The following SV2B variants were observed in gnomAD, a reference collection of about 807,000 sequenced individuals.
The protein encoded by SV2B is synaptic vesicle glycoprotein 2B, also known as solute carrier family 22 member B2.
A neutral mutation model predicts 73.9 loss-of-function variants in SV2B; 41 were observed. The observed-to-expected ratio is 0.56, with a 90% CI of 0.43 to 0.72. The LOEUF is 0.72. SV2B is among the 30% of genes least tolerant of loss of function. The pLI is 0.00. For synonymous variants in SV2B, 314 were observed against 314.2 expected (o/e 1.00, Z 0.01); for missense variants, 764 against 857.8 (o/e 0.89, Z 1.37).
At chr15:91,216,125 G>A (rs1401630821) in intron 1 of SV2B, among the ~76,000 whole-genome samples, 6 of 152,132 alleles carry the variant, frequency 3.9e-5, no homozygotes, top group Admixed American at 2.6e-4. Context: ...TGTAAGTGGG[G>A]CGAGTGCAGC....
At chr15:91,135,421 A>G (rs945658360) in intron 1 of SV2B, among the ~76,000 whole-genome samples, 3 of 152,138 alleles carry the variant, frequency 2.0e-5, no homozygotes, top group Non-Finnish European at 4.4e-5. Context: ...ACAGCTACCT[A>G]CATGGTGGTG....
At chr15:91,215,248 TC>T (rs1271612499) in intron 1 of SV2B, among the ~76,000 whole-genome samples, 1 of 152,210 alleles carries the variant, frequency 6.6e-6, no homozygotes, top group Non-Finnish European at 1.5e-5. Flanking sequence ...TGCACTTGAA[TC>T]ACAATGAAAC....
intron 2 of SV2B, among the ~76,000 whole-genome samples, chr15:91,237,771 G>C (rs79070222): frequency 3.4e-4 from 51 of 152,142 alleles, no homozygotes; most frequent in Non-Finnish European, 5.9e-4. Context: ...ATCCCCACAT[G>C]GCTTCCTTCC....
intron 2 of SV2B, among the ~76,000 whole-genome samples, chr15:91,247,064 G>T (rs577894749): frequency 2.0e-5 from 3 of 152,282 alleles, no homozygotes; most frequent in African/African-American, 7.2e-5. Flanking sequence ...CTTCCCTGGT[G>T]ATAGGCTCAT....
At chr15:91,260,798 T>TA (rs1192906847) in intron 6 of SV2B, among the ~76,000 whole-genome samples, 3 of 152,172 alleles carry the variant, frequency 2.0e-5, no homozygotes, top group Non-Finnish European at 4.4e-5. Context: ...AGGCACTTCT[T>TA]ACATGGTGGT....
intron 9 of SV2B, among the ~76,000 whole-genome samples, chr15:91,274,826 G>C (rs555016480): frequency 6.6e-5 from 10 of 152,128 alleles, no homozygotes; most frequent in African/African-American, 2.4e-4. Flanking sequence ...TTGTTGTTAG[G>C]TGTATACATA....
Position 91,266,155 on chromosome 15 carries a change from A to G in SV2B, c.1009-427A>G, listed in dbSNP as rs532239867. 2.0e-4 allele frequency among the ~76,000 whole-genome samples: 31 copies of G among 152,332 alleles called. No individual in the cohort carries two copies. The South Asian group carries it at 4.3e-3, about 21-fold the overall frequency. On this transcript the variant is annotated intron_variant, in intron 6 of 12. Transcript: ENST00000394232. Reference sequence around the variant, plus strand: ...AGACTGTGTCTCAAAAAACAAAACCAAACAAAAACAAACAAATAAAAAAAA... The same window carrying G: ...AGACTGTGTCTCAAAAAACAAAACCGAACAAAAACAAACAAATAAAAAAAA...
rs2046511847 is a variant in SV2B at position 91,229,939 on chromosome 15, G to A, written c.451+3225G>A. On this transcript the variant is annotated intron_variant, in intron 2 of 12. Transcript: ENST00000394232. The surrounding 1 kb of genome is among the most constrained non-coding windows in gnomAD (Gnocchi z 4.3). The stretch of plus-strand genomic sequence containing the variant: ...TTCTGTCTTTCCCCATCCTCTCTCT[G>A]TTTTAAAAAGAAACTCTCTGGTTGG... 6.6e-6 allele frequency among the ~76,000 whole-genome samples: 1 copy of A among 152,154 alleles called. No homozygotes were observed. The highest frequency in any genetic ancestry group is 6.5e-5 in the Admixed American group (1 of 15,268).
In SV2B at chr15:91,226,121, T is replaced by A. The variant is rs1257553199; in HGVS notation, c.-143T>A. ...GAGAGATAAAGGGGGGGGGAACCAGTGTGACTTTCACCTAAGAAGTCACAT... is the reference window on the plus strand; with the variant it reads ...GAGAGATAAAGGGGGGGGGAACCAGAGTGACTTTCACCTAAGAAGTCACAT... On this transcript the variant is annotated 5_prime_UTR_variant, in exon 2 of 13. Transcript: ENST00000394232. 11 of 775,388 alleles carry A rather than the reference T, an allele frequency of 1.4e-5. No homozygotes were observed. 48.0% of individuals were successfully genotyped at this position (775,388 alleles called of 1,614,324 possible).
intron 1 of SV2B, among the ~76,000 whole-genome samples, chr15:91,159,157 G>T (rs6496765): frequency 0.47 from 71,272 of 151,918 alleles, 17,026 homozygotes; most frequent in East Asian, 0.7. Flanking sequence ...AGCTACTTTA[G>T]CATTTTGACT....
At chr15:91,108,307 T>C (rs2041945512) in intron 1 of SV2B, among the ~76,000 whole-genome samples, 1 of 152,176 alleles carries the variant, frequency 6.6e-6, no homozygotes, top group Non-Finnish European at 1.5e-5. Flanking sequence ...TAACCTCCCT[T>C]CTCTGCAATA....
chr15:91,233,009 C>T (rs1203607802), intron 2 of SV2B, among the ~76,000 whole-genome samples: 1 of 152,210 alleles, frequency 6.6e-6, no homozygotes, highest in Non-Finnish European at 1.5e-5. Context: ...CCTCCAGTTG[C>T]ATCCATGTTG....
At chr15:91,148,371 T>C (rs11635739) in intron 1 of SV2B, among the ~76,000 whole-genome samples, 71,795 of 151,906 alleles carry the variant, frequency 0.47, 17,989 homozygotes, top group African/African-American at 0.59. Context: ...GATTGGGTCA[T>C]ATAGCACAGG....
chr15:91,165,878 G>C (rs1373292433), intron 1 of SV2B, among the ~76,000 whole-genome samples: 1 of 152,054 alleles, frequency 6.6e-6, no homozygotes, highest in African/African-American at 2.4e-5. Context: ...AACTTCATTT[G>C]TTGTCTCTTT....
At position 91,105,077 on chromosome 15, in the gene SV2B, AATC is replaced by A; in HGVS notation, c.-392+4717_-392+4719del. On this transcript the variant is annotated intron_variant, in intron 1 of 12. Transcript: ENST00000394232. This position sits in a 1 kb window ranked among gnomAD's most constrained non-coding sequence, Gnocchi z 5.5. ...TCTAGAGATGTATGTATCTTTAGAT[AATC>A]ATTCATTCACTAAATAAATATTTAT... 6.6e-6 allele frequency among the ~76,000 whole-genome samples: 1 copy of A among 152,358 alleles called. No individual in the cohort carries two copies. The highest frequency in any genetic ancestry group is 3.4e-3 in the Middle Eastern group (1 of 294).
rs1555486422 is a variant in SV2B, at chr15:91,221,691, G to GCA, written c.-391-4181_-391-4180insAC. 6.6e-5 allele frequency among the ~76,000 whole-genome samples: 6 copies of GCA among 91,266 alleles called. No homozygotes were observed. In the South Asian group the frequency reaches 1.9e-3, roughly 28 times the overall value. 59.9% of individuals were successfully genotyped at this position (91,266 alleles called of 152,430 possible). On this transcript the variant is annotated intron_variant, in intron 1 of 12. Coordinates refer to ENST00000394232, the MANE Select transcript of SV2B (RefSeq NM_001323032.3). ...ACCTGTGGACTATTACCAAGCATGT[G>GCA]CGCACACACACACACACACACACAC...
intron 5 of SV2B, among the ~76,000 whole-genome samples, chr15:91,259,822 C>A (rs113575270): frequency 6.6e-6 from 1 of 152,146 alleles, no homozygotes; most frequent in Non-Finnish European, 1.5e-5. Context: ...TATATCGAAA[C>A]AAGGCTCCAC....
At chr15:91,235,563 C>T (rs1010575111) in intron 2 of SV2B, among the ~76,000 whole-genome samples, 2 of 152,096 alleles carry the variant, frequency 1.3e-5, no homozygotes, top group African/African-American at 4.8e-5. Context: ...AAAAAAAAAT[C>T]TCTCGAGGAG....
rs968386543 is a variant in SV2B, at chr15:91,214,523, G to C, written c.-391-11350G>C. Among the ~76,000 whole-genome samples the C allele has an allele frequency of 6.6e-6, 1 of 152,172 alleles. No homozygotes were observed. The highest frequency in any genetic ancestry group is 1.5e-5 in the Non-Finnish European group (1 of 68,036). On this transcript the variant is annotated intron_variant, in intron 1 of 12. Coordinates refer to ENST00000394232, the MANE Select transcript of SV2B (RefSeq NM_001323032.3). This position sits in a 1 kb window ranked among gnomAD's most constrained non-coding sequence, Gnocchi z 4.7. The stretch of plus-strand genomic sequence containing the variant: ...TCCTTATTATCCTCATTTCACACAT[G>C]AAGAAACTGAAGCTTAAGGTTCAGA...
Sources: gnomAD v4.1 joint callset for allele counts (sites outside exome capture counted in the v4.1 genomes callset) on GRCh38, gnomAD v4.1.1 for gene constraint, Gnocchi (gnomAD v3.1) non-coding constraint, MANE v1.5 for transcripts, NCBI Gene and HGNC (gene_info 2026-07-23, HGNC 2026-07-21) for gene names.